ECD: variants seen among roughly 807,000 people sequenced by gnomAD.
ECD encodes ecdysoneless cell cycle regulator.
Under a neutral mutation model 77.2 loss-of-function variants are expected in ECD, and 59 were observed. The observed-to-expected ratio is 0.76, with a 90% CI of 0.62 to 0.95. The LOEUF is 0.95. Ranked by LOEUF, ECD falls within the 40% of genes least tolerant of loss-of-function variation. ECD has a pLI of 0.00. For synonymous variants in ECD, 233 were observed against 267.4 expected, an observed-to-expected ratio of 0.87 and a Z score of 1.26; for missense variants, 704 against 763.4, an observed-to-expected ratio of 0.92 and a Z score of 0.92.
chr10:73,167,364 T>C lies in ECD; in HGVS notation c.-14+502A>G, dbSNP rs75651321. 9.8e-5 allele frequency among the ~76,000 whole-genome samples: 15 copies of C among 152,310 alleles called. No homozygotes were observed. The East Asian group carries it at 2.5e-3, about 25-fold the overall frequency. On this transcript the variant is annotated intron_variant, in intron 1 of 13. Coordinates refer to ENST00000372979, the MANE Select transcript of ECD (RefSeq NM_007265.3). ...CACTGGTATTTTGATGGAGGTTGCATTGATACCTCTTAATTTTCTAAGGGT... is the reference window on the plus strand; with the variant it reads ...CACTGGTATTTTGATGGAGGTTGCACTGATACCTCTTAATTTTCTAAGGGT...
chr10:73,148,029 T>C (rs1248435432), intron 8 of ECD, among the ~76,000 whole-genome samples: 1 of 152,226 alleles, frequency 6.6e-6, no homozygotes, highest in Non-Finnish European at 1.5e-5. Flanking sequence ...TTGCAAGTTG[T>C]TTTATCTGGT....
rs756003626 is a variant in ECD, at chr10:73,146,366, A to C, written c.1042-5T>G. On this transcript the variant is annotated splice_region_variant and splice_polypyrimidine_tract_variant and intron_variant, in intron 8 of 13. Transcript: ENST00000372979. The stretch of plus-strand genomic sequence containing the variant: ...AGCAGAACCTTCTATCAGTCCCTTA[A>C]AAAAAAAAAAAGGTCTATCAGAACA... 1 of 1,289,670 alleles carries C rather than the reference A, an allele frequency of 7.8e-7. No individual in the cohort carries two copies. Among genetic ancestry groups the C allele is most frequent in the Non-Finnish European group, 1.0e-6 (1 of 957,744 alleles). The allele number at this position is 1,289,670 out of a possible 1,614,324, so 79.9% of individuals were successfully genotyped here.
intron 7 of ECD, among the ~76,000 whole-genome samples, chr10:73,149,180 G>A (rs995507608): frequency 3.9e-5 from 6 of 152,106 alleles, no homozygotes; most frequent in African/African-American, 1.4e-4. Context: ...CTGCTACTAT[G>A]AACAATGCTG....
At chr10:73,151,554 T>G (rs940621928) in intron 7 of ECD, among the ~76,000 whole-genome samples, 2 of 151,830 alleles carry the variant, frequency 1.3e-5, no homozygotes, top group Non-Finnish European at 2.9e-5. Context: ...AATCTAGACA[T>G]TCCTATCAAT....
chr10:73,135,278 A>G (rs1360263781), intron 13 of ECD, among the ~76,000 whole-genome samples: 1 of 152,234 alleles, frequency 6.6e-6, no homozygotes, highest in African/African-American at 2.4e-5. Flanking sequence ...TCCAACCACA[A>G]AGATTCTAAA....
chr10:73,162,875 A>T (rs1282470127), intron 2 of ECD, among the ~76,000 whole-genome samples: 1 of 152,262 alleles, frequency 6.6e-6, no homozygotes, highest in Non-Finnish European at 1.5e-5. Context: ...CATCATGCCT[A>T]GCAGAGGAGC....
chr10:73,152,534 AAT>A, intron 6 of ECD, 113 bp from the exon 7 acceptor site: 23 of 1,256,986 alleles, frequency 1.8e-5, no homozygotes, highest in Middle Eastern at 2.1e-4. Context: ...ATTCATATGA[AAT>A]GCAAAGAAGA....
intron 9 of ECD, among the ~76,000 whole-genome samples, chr10:73,144,109 G>T (rs931745563): frequency 6.6e-6 from 1 of 152,008 alleles, no homozygotes; most frequent in African/African-American, 2.4e-5. Context: ...TAGCACTGAG[G>T]TTGAAAAATC....
rs182257433 is a variant in ECD, at chr10:73,141,743, C to T, written c.1128-2006G>A. On this transcript the variant is annotated intron_variant, in intron 9 of 13. Coordinates refer to ENST00000372979, the MANE Select transcript of ECD (RefSeq NM_007265.3). ...TTTGGTTTATTCTCTCTCCTAGTAA[C>T]GTTTACATATTAATAATACAGAGTA... Among the ~76,000 whole-genome samples, 10 of 152,222 alleles carry T rather than the reference C, an allele frequency of 6.6e-5. No individual in the cohort carries two copies. In the East Asian group the frequency reaches 9.6e-4, roughly 15 times the overall value.
intron 7 of ECD, among the ~76,000 whole-genome samples, chr10:73,149,174 T>C (rs1197449307): frequency 6.6e-6 from 1 of 152,230 alleles, no homozygotes; most frequent in African/African-American, 2.4e-5. Flanking sequence ...AGTCTCCTGC[T>C]ACTATGAACA....
chr10:73,168,033 G>C (rs1319531169), upstream of ECD: 2 of 398,372 alleles, frequency 5.0e-6, no homozygotes, highest in Non-Finnish European at 9.0e-6. Context: ...GAGAAAGTCT[G>C]AAACCCACTC....
chr10:73,156,904 T>A (rs1843304103), intron 3 of ECD, among the ~76,000 whole-genome samples: 2 of 151,940 alleles, frequency 1.3e-5, no homozygotes, highest in African/African-American at 4.8e-5. Flanking sequence ...TAAAGAAATA[T>A]TAGACAAAAA....
intron 9 of ECD, among the ~76,000 whole-genome samples, chr10:73,142,135 G>A (rs1843065527): frequency 6.6e-6 from 1 of 151,804 alleles, no homozygotes. Context: ...TTTAATTTGA[G>A]TAGCTGGGAT....
At chr10:73,157,990 C>A (rs991794772) in intron 3 of ECD, among the ~76,000 whole-genome samples, 8 of 151,504 alleles carry the variant, frequency 5.3e-5, no homozygotes, top group African/African-American at 1.9e-4. Context: ...GAGACAGAGT[C>A]TCACTCTGTC....
At chr10:73,150,678 G>GA (rs879716028) in intron 7 of ECD, among the ~76,000 whole-genome samples, 1 of 151,870 alleles carries the variant, frequency 6.6e-6, no homozygotes, top group Admixed American at 6.6e-5. Flanking sequence ...AAATTTACAA[G>GA]AAAAAAACAA....
chr10:73,143,604 G>A (rs952089882), intron 9 of ECD, among the ~76,000 whole-genome samples: 1 of 152,024 alleles, frequency 6.6e-6, no homozygotes, highest in Non-Finnish European at 1.5e-5. Context: ...GAGATGTTTT[G>A]ATACAGGCAT....
chr10:73,151,962 T>C (rs1241725539), intron 7 of ECD, among the ~76,000 whole-genome samples: 1 of 152,220 alleles, frequency 6.6e-6, no homozygotes, highest in Non-Finnish European at 1.5e-5. Context: ...AAGTCATGCA[T>C]AGAAAGGCCT....
chr10:73,149,750 A>T lies in ECD; in HGVS notation c.913-1346T>A, dbSNP rs549426665. Among the ~76,000 whole-genome samples the T allele has an allele frequency of 2.0e-5, 3 of 152,338 alleles. No individual in the cohort carries two copies. The South Asian group carries it at 6.2e-4, about 32-fold the overall frequency. ...CAGGAAGTTACCCCACTGTAAGTCAAGGAACATCTGTTTTGCCAAAATGTT... is the reference window on the plus strand; with the variant it reads ...CAGGAAGTTACCCCACTGTAAGTCATGGAACATCTGTTTTGCCAAAATGTT... On this transcript the variant is annotated intron_variant, in intron 7 of 13. Coordinates refer to ENST00000372979, the MANE Select transcript of ECD (RefSeq NM_007265.3).
In ECD at chr10:73,136,722, G is replaced by A; in HGVS notation, c.1686C>T (p.Phe562=). Residue 562 remains phenylalanine (F), a synonymous_variant, in exon 13 of 14, where the codon TTC becomes TTT. Coordinates refer to ENST00000372979, the MANE Select transcript of ECD (RefSeq NM_007265.3). ...ELAHTCISKS[F]TTRNQVEPVS... is the part of the protein sequence containing the mutation. ...CACATACCACTTGGTTCCTAGTGGT[G>A]AAACTTTTGCTGATGCAGGTGTGTG... The A allele has an allele frequency of 6.2e-7, 1 of 1,613,904 alleles. No individual in the cohort carries two copies. The highest frequency in any genetic ancestry group is 8.5e-7 in the Non-Finnish European group (1 of 1,179,888).
Sources: gnomAD v4.1 joint callset for allele counts (sites outside exome capture counted in the v4.1 genomes callset) on GRCh38, gnomAD v4.1.1 for gene constraint, MANE v1.5 for transcripts, NCBI Gene and HGNC (gene_info 2026-07-23, HGNC 2026-07-21) for gene names.